FAM178B: variants seen among roughly 807,000 people sequenced by gnomAD.
FAM178B encodes the protein protein FAM178B.
Under a neutral mutation model 91.7 loss-of-function variants are expected in FAM178B, and 82 were observed. The observed-to-expected ratio is 0.89, with a 90% CI of 0.75 to 1.07. The LOEUF (loss-of-function observed/expected upper bound fraction) is 1.07. Among genes scored for constraint, FAM178B ranks in the 50% least tolerant of loss-of-function variants. The probability of loss-of-function intolerance (pLI) is 0.00; values close to 1 mark genes in which losing one functional copy is unlikely to be tolerated. For missense variants in FAM178B, 769 were observed against 846.7 expected (o/e 0.91, Z 1.14); for synonymous variants, 368 against 359.4 (o/e 1.02, Z -0.27).
chr2:96,883,153 C>T (rs2080430717), intron 14 of FAM178B, among the ~76,000 whole-genome samples: 1 of 152,224 alleles, frequency 6.6e-6, no homozygotes, highest in Non-Finnish European at 1.5e-5. Context: ...CTGGGACTGT[C>T]ACCAGAGGAA....
intron 12 of FAM178B, among the ~76,000 whole-genome samples, chr2:96,920,022 C>T (rs555260790): frequency 2.6e-5 from 4 of 152,140 alleles, no homozygotes; most frequent in African/African-American, 9.6e-5. Context: ...GGAAGGGGTC[C>T]CAGTGGAGGG....
chr2:96,919,298 AG>A (rs1176159471), intron 12 of FAM178B, among the ~76,000 whole-genome samples: 1 of 152,224 alleles, frequency 6.6e-6, no homozygotes, highest in East Asian at 1.9e-4. Context: ...GAGGGGGCCT[AG>A]GGACCAGCCT....
intron 14 of FAM178B, among the ~76,000 whole-genome samples, chr2:96,888,443 G>A (rs908086317): frequency 2.6e-5 from 4 of 152,248 alleles, no homozygotes; most frequent in South Asian, 2.1e-4. Flanking sequence ...GGGGGACAGA[G>A]GGTAAGTGGC....
intron 10 of FAM178B, among the ~76,000 whole-genome samples, 197 bp from the exon 11 acceptor site, chr2:96,921,851 G>C (rs2081346644): frequency 6.6e-6 from 1 of 152,150 alleles, no homozygotes; most frequent in African/African-American, 2.4e-5. Context: ...GAGTGTGCTT[G>C]TCAGAGGCGT....
In FAM178B at chr2:96,929,368, A is replaced by G. The variant is rs2081502519; in HGVS notation, c.1079-48T>C. 2.2e-6 allele frequency: 3 copies of G among 1,375,382 alleles called. No homozygotes were observed. The East Asian group carries it at 7.5e-5, about 34-fold the overall frequency. 85.2% of individuals were successfully genotyped at this position (1,375,382 alleles called of 1,614,324 possible). On this transcript the variant is annotated intron_variant, in intron 8 of 16. Transcript: ENST00000490605. Reference sequence around the variant, plus strand: ...AGAGTTAGAATGGGGAACGGAGGGCAGGGTGCACCACTCCCACTGAAGGGG... The same window carrying G: ...AGAGTTAGAATGGGGAACGGAGGGCGGGGTGCACCACTCCCACTGAAGGGG...
At chr2:96,916,959 G>A (rs1049713214) in intron 12 of FAM178B, among the ~76,000 whole-genome samples, 10 of 152,186 alleles carry the variant, frequency 6.6e-5, no homozygotes, top group East Asian at 1.9e-4. Flanking sequence ...TGGCCGCCGC[G>A]GGAAGCACAG....
intron 1 of FAM178B, among the ~76,000 whole-genome samples, chr2:96,980,304 G>A (rs2082345310): frequency 2.0e-5 from 3 of 152,150 alleles, no homozygotes; most frequent in African/African-American, 7.2e-5. Context: ...TAGAACTCCT[G>A]AGCTCAAGTG....
chr2:96,985,392 G>A (rs932997460), intron 1 of FAM178B, among the ~76,000 whole-genome samples: 1 of 152,134 alleles, frequency 6.6e-6, no homozygotes, highest in Non-Finnish European at 1.5e-5. Flanking sequence ...CTCTGCCTGG[G>A]CTCTTGTCTC....
intron 13 of FAM178B, among the ~76,000 whole-genome samples, chr2:96,900,133 C>T (rs1050162609): frequency 1.3e-5 from 2 of 152,114 alleles, no homozygotes; most frequent in African/African-American, 2.4e-5. Flanking sequence ...CCACCTGTGT[C>T]GCGCCCCCTC....
At chr2:96,933,524 C>T (rs962139150) in intron 8 of FAM178B, among the ~76,000 whole-genome samples, 20 of 152,202 alleles carry the variant, frequency 1.3e-4, no homozygotes, top group African/African-American at 3.9e-4. Context: ...TCCCAAGAAC[C>T]TCTTCGGTCA....
intron 8 of FAM178B, among the ~76,000 whole-genome samples, chr2:96,933,335 G>A (rs533523303): frequency 2.4e-4 from 37 of 152,092 alleles, no homozygotes; most frequent in Non-Finnish European, 1.2e-4. Flanking sequence ...GTCTGCAGGC[G>A]TCCCTTTAGG....
intron 14 of FAM178B, among the ~76,000 whole-genome samples, chr2:96,884,539 T>C (rs192611716): frequency 2.0e-5 from 3 of 152,326 alleles, no homozygotes; most frequent in Admixed American, 2.0e-4. Flanking sequence ...GAGGTAGGGC[T>C]ACTCAGGCCC....
intron 1 of FAM178B, among the ~76,000 whole-genome samples, chr2:96,976,241 G>A (rs191632455): frequency 3.4e-4 from 51 of 151,722 alleles, no homozygotes; most frequent in Non-Finnish European, 6.3e-4. Context: ...CTACAGGTGC[G>A]TGCCACCATG....
At chr2:96,981,642 G>A (rs1000744592) in intron 1 of FAM178B, among the ~76,000 whole-genome samples, 12 of 151,462 alleles carry the variant, frequency 7.9e-5, no homozygotes, top group African/African-American at 2.9e-4. Context: ...TCGGGAGGCT[G>A]AGGCAGGAGA....
chr2:96,930,757 T>G (rs1231393053), intron 8 of FAM178B, among the ~76,000 whole-genome samples: 2 of 152,202 alleles, frequency 1.3e-5, no homozygotes, highest in Non-Finnish European at 2.9e-5. Flanking sequence ...ATCCCAAGTG[T>G]GATAGCATCA....
At chr2:96,931,244 C>T (rs544442196) in intron 8 of FAM178B, among the ~76,000 whole-genome samples, 43 of 152,214 alleles carry the variant, frequency 2.8e-4, no homozygotes, top group Admixed American at 1.1e-3. Context: ...CCCTGAGGAC[C>T]CACTTCAGCA....
At chr2:96,913,074 G>A (rs923197008) in intron 12 of FAM178B, among the ~76,000 whole-genome samples, 2 of 152,214 alleles carry the variant, frequency 1.3e-5, no homozygotes, top group Non-Finnish European at 2.9e-5. Flanking sequence ...GAAAGCTAGT[G>A]AACAAAAAGC....
intron 12 of FAM178B, among the ~76,000 whole-genome samples, chr2:96,911,873 C>A (rs1001003205): frequency 6.6e-6 from 1 of 152,154 alleles, no homozygotes; most frequent in Non-Finnish European, 1.5e-5. Flanking sequence ...CCTGGGAAGG[C>A]GGTGACTCCT....
rs948390952 is a variant in FAM178B, at chr2:96,921,186, G to A, written c.1541C>T (p.Pro514Leu). The stretch of plus-strand genomic sequence containing the variant: ...GCACCTGCTCCGGGAGGTCATGTCT[G>A]GGAAGAACTGCACGAGGGCCAGCAG... ...HNLLALVQFF[P>L]DMTSRSRRLR... Residue 514 changes from proline to leucine, a missense_variant, in exon 12 of 17, where the codon CCA (proline) becomes CTA (leucine). Physicochemically the swap from Pro to Leu is moderately conservative, Grantham distance 98. Transcript: ENST00000490605. 1 of 1,551,412 alleles carries A rather than the reference G, an allele frequency of 6.4e-7. No individual in the cohort carries two copies. Among genetic ancestry groups the A allele is most frequent in the African/African-American group, 1.4e-5 (1 of 73,014 alleles).
Sources: allele counts gnomAD v4.1 joint callset (sites outside exome capture counted in the v4.1 genomes callset), GRCh38; gene constraint gnomAD v4.1.1; transcripts MANE v1.5; gene names NCBI Gene and HGNC (gene_info 2026-07-23, HGNC 2026-07-21).